Variants in TRAM2 observed in about 807,000 individuals in gnomAD.
The protein encoded by TRAM2 is translocation associated membrane protein 2.
Under a neutral mutation model 51.0 loss-of-function variants are expected in TRAM2, and 12 were observed. The observed-to-expected ratio is 0.24, with a 90% CI of 0.15 to 0.38. TRAM2 has a LOEUF of 0.38. Among genes scored for constraint, TRAM2 ranks in the 10% least tolerant of loss-of-function variants. The probability of loss-of-function intolerance (pLI) is 1.00; values close to 1 mark genes in which losing one functional copy is unlikely to be tolerated. For synonymous variants in TRAM2, 175 were observed against 179.4 expected, an observed-to-expected ratio of 0.98 and a Z score of 0.20; for missense variants, 361 against 462.0, an observed-to-expected ratio of 0.78 and a Z score of 2.00.
chr6:52,525,267 T>C (rs533997170), intron 2 of TRAM2, among the ~76,000 whole-genome samples: 1 of 152,222 alleles, frequency 6.6e-6, no homozygotes, highest in East Asian at 1.9e-4. Context: ...CATTAAACCC[T>C]GAAGGCCTGC....
chr6:52,536,510 A>C (rs1170620589), intron 1 of TRAM2, among the ~76,000 whole-genome samples: 1 of 152,212 alleles, frequency 6.6e-6, no homozygotes, highest in Non-Finnish European at 1.5e-5. Context: ...TTTAGCCAGC[A>C]GGGGAGGGAT....
At chr6:52,568,094 G>C (rs1040298864) in intron 1 of TRAM2, among the ~76,000 whole-genome samples, 1 of 152,178 alleles carries the variant, frequency 6.6e-6, no homozygotes, top group African/African-American at 2.4e-5. Context: ...GAGAGGTGAA[G>C]GGCCTTGCAT....
chr6:52,556,992 G>A (rs1459067995), intron 1 of TRAM2, among the ~76,000 whole-genome samples: 1 of 151,220 alleles, frequency 6.6e-6, no homozygotes, highest in African/African-American at 2.4e-5. Flanking sequence ...TCAGGAGTTC[G>A]AGACCACCCT....
At chr6:52,559,752 C>A (rs1267182987) in intron 1 of TRAM2, among the ~76,000 whole-genome samples, 1 of 152,150 alleles carries the variant, frequency 6.6e-6, no homozygotes, top group Non-Finnish European at 1.5e-5. Flanking sequence ...CTGGGCTTAC[C>A]CCATTTTTAA....
intron 1 of TRAM2, among the ~76,000 whole-genome samples, chr6:52,544,151 G>C (rs1767154924): frequency 6.6e-6 from 1 of 152,202 alleles, no homozygotes; most frequent in South Asian, 2.1e-4. Flanking sequence ...CCATAAACCA[G>C]GCCCGTCAGC....
At chr6:52,504,794 G>A in intron 9 of TRAM2, 40 bp from the exon 10 acceptor site, 2 of 1,551,072 alleles carry the variant, frequency 1.3e-6, no homozygotes, top group Admixed American at 1.9e-5. Flanking sequence ...TGGGGCTTGG[G>A]CTCACAGCCT....
intron 1 of TRAM2, among the ~76,000 whole-genome samples, chr6:52,550,010 G>A (rs1245146981): frequency 6.6e-6 from 1 of 152,140 alleles, no homozygotes; most frequent in Non-Finnish European, 1.5e-5. Flanking sequence ...ACAGAAGGCA[G>A]AATAGCATCT....
chr6:52,502,035 G>A lies in TRAM2; in HGVS notation c.*1162C>T, dbSNP rs1347452135. On this transcript the variant is annotated 3_prime_UTR_variant, in exon 11 of 11. Coordinates refer to ENST00000182527, the MANE Select transcript of TRAM2 (RefSeq NM_012288.4). ...GTCATGGTTTCATGCAGTCTAAAATGCTGTAGTTGTGCTCAAAAAACGACA... is the reference window on the plus strand; with the variant it reads ...GTCATGGTTTCATGCAGTCTAAAATACTGTAGTTGTGCTCAAAAAACGACA... The A allele has an allele frequency of 6.6e-6, 1 of 152,252 alleles. No homozygotes were observed. Among genetic ancestry groups the A allele is most frequent in the African/African-American group, 2.4e-5 (1 of 41,464 alleles). The allele number at this position is 152,252 out of a possible 1,614,324, so 9.4% of individuals were successfully genotyped here.
In TRAM2 at chr6:52,535,860, G is replaced by C; in HGVS notation, c.121-14C>G. Reference sequence around the variant, plus strand: ...CTTGGCTGTGACCTGTAAAACAAAGGAAAAGAGTTCCAGTTTAGCTTTTGG... The same window carrying C: ...CTTGGCTGTGACCTGTAAAACAAAGCAAAAGAGTTCCAGTTTAGCTTTTGG... On this transcript the variant is annotated splice_polypyrimidine_tract_variant and intron_variant, in intron 1 of 10. Coordinates refer to ENST00000182527, the MANE Select transcript of TRAM2 (RefSeq NM_012288.4). 1 of 1,612,250 alleles carries C rather than the reference G, an allele frequency of 6.2e-7. No individual in the cohort carries two copies. Among genetic ancestry groups the C allele is most frequent in the Non-Finnish European group, 8.5e-7 (1 of 1,178,928 alleles).
At chr6:52,533,166 T>C (rs937949445) in intron 2 of TRAM2, among the ~76,000 whole-genome samples, 3 of 152,248 alleles carry the variant, frequency 2.0e-5, no homozygotes, top group East Asian at 3.9e-4. Context: ...GTTCTGGAGA[T>C]AGATGGTGGT....
At position 52,508,244 on chromosome 6, in the gene TRAM2, T is replaced by C; in HGVS notation, c.545A>G (p.Lys182Arg). ...GAAGTGAGCACTCACCTTCCGTACC[T>C]TCTGGAAGTATAGCTCAGGAAGTGC... The part of the protein sequence containing the change: ...LHALPELYFQ[K>R]VRKEEIPRQL... Residue 182 changes from lysine (K) to arginine (R), a missense_variant, in exon 6 of 11, where the codon AAG becomes AGG. Lys to Arg is a conservative substitution (Grantham distance 26). Coordinates refer to ENST00000182527, the MANE Select transcript of TRAM2 (RefSeq NM_012288.4). 1.2e-6 allele frequency: 2 copies of C among 1,614,108 alleles called. No individual in the cohort carries two copies. The highest frequency in any genetic ancestry group is 1.7e-6 in the Non-Finnish European group (2 of 1,180,016).
At chr6:52,520,588 G>T (rs1766654277) in intron 2 of TRAM2, among the ~76,000 whole-genome samples, 1 of 152,182 alleles carries the variant, frequency 6.6e-6, no homozygotes, top group African/African-American at 2.4e-5. Flanking sequence ...TTAAAATTCT[G>T]CAACATGCAT....
intron 1 of TRAM2, among the ~76,000 whole-genome samples, chr6:52,557,192 C>CAAAAACAAAAAA (rs1767425593): frequency 7.1e-6 from 1 of 140,090 alleles, no homozygotes. Context: ...AACTCTGTCT[C>CAAAAACAAAAAA]AAAAAAAAAA....
At chr6:52,505,964 C>T (rs1766340469) in intron 8 of TRAM2, 68 bp downstream of exon 8, 1 of 1,556,954 alleles carries the variant, frequency 6.4e-7, no homozygotes, top group Non-Finnish European at 8.8e-7. Context: ...GACCCTCCAA[C>T]CATCCGGGCC....
chr6:52,538,688 T>C (rs997451730), intron 1 of TRAM2, among the ~76,000 whole-genome samples: 5 of 152,166 alleles, frequency 3.3e-5, no homozygotes, highest in African/African-American at 1.2e-4. Flanking sequence ...GCATGGGCAT[T>C]TTGTCAAACT....
intron 1 of TRAM2, among the ~76,000 whole-genome samples, chr6:52,571,142 G>C (rs1767674135): frequency 6.6e-6 from 1 of 152,030 alleles, no homozygotes; most frequent in Non-Finnish European, 1.5e-5. Context: ...AAAAGGTTAA[G>C]AGATACTATC....
chr6:52,503,474 C>T (rs952466645), intron 10 of TRAM2, among the ~76,000 whole-genome samples: 1 of 152,140 alleles, frequency 6.6e-6, no homozygotes, highest in Non-Finnish European at 1.5e-5. Flanking sequence ...TCCCCAGGGC[C>T]CTGGACTAGT....
At chr6:52,507,372 A>T (rs1024299525) in intron 7 of TRAM2, among the ~76,000 whole-genome samples, 181 bp downstream of exon 7, 3 of 152,254 alleles carry the variant, frequency 2.0e-5, no homozygotes, top group Admixed American at 6.5e-5. Flanking sequence ...GTCTCTTCAG[A>T]ATGAGAATGA....
intron 1 of TRAM2, among the ~76,000 whole-genome samples, chr6:52,571,590 C>T (rs901903661): frequency 2.0e-5 from 3 of 152,210 alleles, no homozygotes; most frequent in Admixed American, 1.3e-4. Context: ...CCAGTACCCA[C>T]GGACTGTGTT....
Sources: allele counts gnomAD v4.1 joint callset (sites outside exome capture counted in the v4.1 genomes callset), GRCh38; gene constraint gnomAD v4.1.1; transcripts MANE v1.5; gene names NCBI Gene and HGNC (gene_info 2026-07-23, HGNC 2026-07-21).